Variants in THEMIS observed in about 807,000 individuals in gnomAD.
THEMIS encodes the protein protein THEMIS.
THEMIS carries 37 observed loss-of-function variants against 52.6 expected under a neutral mutation model. The ratio of observed to expected loss-of-function variants is 0.70; its 90% CI spans 0.54 to 0.93. The LOEUF (loss-of-function observed/expected upper bound fraction) is 0.93. Among genes scored for constraint, THEMIS ranks in the 40% least tolerant of loss-of-function variants. The pLI is 0.00. For synonymous variants in THEMIS, 292 were observed against 272.7 expected (o/e 1.07, Z -0.70); for missense variants, 808 against 763.1 (o/e 1.06, Z -0.69).
Position 127,907,506 on chromosome 6 carries a change from TG to T in THEMIS, c.-149-6426del, listed in dbSNP as rs776864529. ...GAAAAGTCCCAGGATAAACTGTGAT[TG>T]ATCAAACTTGGCTCACATGTATATG... is the stretch of plus-strand genomic sequence containing the variant. On this transcript the variant is annotated intron_variant, in intron 1 of 6. Coordinates refer to the THEMIS transcript ENST00000368250. 1.3e-5 allele frequency among the ~76,000 whole-genome samples: 2 copies of T among 151,840 alleles called. 1 individual carries two copies. The highest frequency in any genetic ancestry group is 4.1e-4 in the South Asian group (2 of 4,820).
rs763286393 is a variant in THEMIS, at chr6:127,829,907, G to A, written c.278C>T (p.Thr93Ile). ...PGLFKIVADK[T>I]PYLTMEEITR... Reference sequence around the variant, plus strand: ...GATTTCTTCCATAGTAAGGTATGGAGTTTTATCAGCCACAATCTTAAAAAG... The same window carrying A: ...GATTTCTTCCATAGTAAGGTATGGAATTTTATCAGCCACAATCTTAAAAAG... Residue 93 changes from threonine (T) to isoleucine (I), a missense_variant, in exon 3 of 6, where the codon ACT (threonine) becomes ATT (isoleucine). Physicochemically the swap from Thr to Ile is moderately conservative, Grantham distance 89. Coordinates refer to ENST00000368248, the MANE Select transcript of THEMIS (RefSeq NM_001010923.3). 1.2e-6 allele frequency: 2 copies of A among 1,611,882 alleles called. No individual in the cohort carries two copies. The highest frequency in any genetic ancestry group is 1.1e-5 in the South Asian group (1 of 90,790).
At chr6:127,747,603 A>G (rs1258551970) in intron 4 of THEMIS, among the ~76,000 whole-genome samples, 2 of 151,666 alleles carry the variant, frequency 1.3e-5, no homozygotes, top group Non-Finnish European at 2.9e-5. Flanking sequence ...AGGGAAGTTT[A>G]TGTTCATGTT....
At chr6:127,790,018 T>G (rs1777105526) in intron 4 of THEMIS, among the ~76,000 whole-genome samples, 1 of 152,230 alleles carries the variant, frequency 6.6e-6, no homozygotes, top group Admixed American at 6.5e-5. Context: ...TATTGGAAGT[T>G]CTGGCCAGGG....
chr6:127,799,775 A>G (rs1270490360), intron 4 of THEMIS, among the ~76,000 whole-genome samples: 2 of 152,110 alleles, frequency 1.3e-5, no homozygotes, highest in Non-Finnish European at 2.9e-5. Flanking sequence ...GAGATCTCAC[A>G]TTTGTACATT....
chr6:127,772,373 T>C (rs1776417000), intron 4 of THEMIS, among the ~76,000 whole-genome samples: 1 of 152,120 alleles, frequency 6.6e-6, no homozygotes, highest in African/African-American at 2.4e-5. Context: ...TTAGTGAGAT[T>C]AGGTAGGCCT....
upstream of THEMIS, among the ~76,000 whole-genome samples, chr6:127,901,746 T>C (rs913902926): frequency 2.0e-5 from 3 of 152,086 alleles, no homozygotes; most frequent in Non-Finnish European, 4.4e-5. Context: ...ACGTCAGCCT[T>C]GTCTTCTCTG....
At chr6:127,756,708 T>C (rs1002079259) in intron 4 of THEMIS, among the ~76,000 whole-genome samples, 2 of 152,180 alleles carry the variant, frequency 1.3e-5, no homozygotes, top group African/African-American at 4.8e-5. Context: ...ATCAGAGTGG[T>C]TCATTGCTTA....
At chr6:127,854,186 A>C (rs912494885) in intron 2 of THEMIS, among the ~76,000 whole-genome samples, 11 of 151,846 alleles carry the variant, frequency 7.2e-5, no homozygotes, top group Admixed American at 6.6e-4. Context: ...ACTACAGTAG[A>C]TGAGTCAAAT....
intron 5 of THEMIS, among the ~76,000 whole-genome samples, chr6:127,711,387 T>C (rs763962076): frequency 1.3e-5 from 2 of 151,978 alleles, no homozygotes; most frequent in Non-Finnish European, 2.9e-5. Context: ...AGAAAGGTAA[T>C]GTCAAAGGAG....
At chr6:127,786,122 C>T (rs1776940123) in intron 4 of THEMIS, among the ~76,000 whole-genome samples, 1 of 152,032 alleles carries the variant, frequency 6.6e-6, no homozygotes, top group Non-Finnish European at 1.5e-5. Flanking sequence ...TGGGACAATC[C>T]TCTCAAAAAG....
In THEMIS at chr6:127,887,004, C is replaced by G. The variant is rs73773929; in HGVS notation, c.91+13838G>C. Among the ~76,000 whole-genome samples, 751 of 151,972 alleles carry G rather than the reference C, an allele frequency of 4.9e-3. 4 individuals carry two copies. Among genetic ancestry groups the G allele is most frequent in the African/African-American group, 0.017 (711 of 41,452 alleles). On this transcript the variant is annotated intron_variant, in intron 1 of 5. Coordinates refer to ENST00000368248, the MANE Select transcript of THEMIS (RefSeq NM_001010923.3). ...TGATACCAAAAGCATGAGCCCTCCC[C>G]TACCTCCCCCCCCAAAAAATACATT...
intron 1 of THEMIS, among the ~76,000 whole-genome samples, chr6:127,888,557 T>C (rs1008746034): frequency 9.9e-5 from 15 of 152,228 alleles, no homozygotes; most frequent in Admixed American, 7.2e-4. Flanking sequence ...ATGTTAACCA[T>C]ATTTCTCTCT....
At chr6:127,767,375 A>C (rs983516445) in intron 4 of THEMIS, among the ~76,000 whole-genome samples, 3 of 152,182 alleles carry the variant, frequency 2.0e-5, no homozygotes, top group African/African-American at 7.2e-5. Flanking sequence ...TACAGACGTG[A>C]GCCACCACAC....
At chr6:127,801,519 G>A (rs539084147) in intron 4 of THEMIS, among the ~76,000 whole-genome samples, 135 of 152,278 alleles carry the variant, frequency 8.9e-4, no homozygotes, top group African/African-American at 3.0e-3. Flanking sequence ...GAATGAGGAC[G>A]AGTGGGAGGA....
intron 3 of THEMIS, among the ~76,000 whole-genome samples, chr6:127,826,645 C>G (rs754988528): frequency 1.3e-5 from 2 of 152,196 alleles, no homozygotes; most frequent in Non-Finnish European, 2.9e-5. Flanking sequence ...CAAGACCTCT[C>G]TCTTTCAGAG....
At chr6:127,818,177 C>G (rs1778201218) in intron 3 of THEMIS, among the ~76,000 whole-genome samples, 2 of 152,140 alleles carry the variant, frequency 1.3e-5, no homozygotes, top group African/African-American at 4.8e-5. Context: ...ACACCCAACT[C>G]AAGCCTCCAC....
intron 4 of THEMIS, among the ~76,000 whole-genome samples, chr6:127,802,094 T>C (rs1294981051): frequency 2.6e-5 from 4 of 152,122 alleles, no homozygotes; most frequent in Admixed American, 6.5e-5. Flanking sequence ...AGGTGAAATA[T>C]AGATTAAAAG....
intron 1 of THEMIS, among the ~76,000 whole-genome samples, chr6:127,913,694 G>T (rs183486787): frequency 3.3e-5 from 5 of 152,246 alleles, no homozygotes; most frequent in Non-Finnish European, 2.9e-5. Flanking sequence ...AATCACCAAA[G>T]CATTATTTAA....
At chr6:127,731,869 T>TTTTTTTTTTTTTTTTTTTTTTTTC (rs1774817388) in intron 4 of THEMIS, among the ~76,000 whole-genome samples, 1 of 87,192 alleles carries the variant, frequency 1.1e-5, no homozygotes, top group Non-Finnish European at 2.3e-5. Flanking sequence ...GGCTAATTTT[T>TTTTTTTTTTTTTTTTTTTTTTTTC]TTTTTTTTTT....
Sources: gnomAD v4.1 joint callset for allele counts (sites outside exome capture counted in the v4.1 genomes callset) on GRCh38, gnomAD v4.1.1 for gene constraint, MANE v1.5 for transcripts, NCBI Gene and HGNC (gene_info 2026-07-23, HGNC 2026-07-21) for gene names.